Variants in ZFC3H1 observed in about 807,000 individuals in gnomAD.
ZFC3H1 encodes the protein zinc finger C3H1 domain-containing protein.
ZFC3H1 carries 71 observed loss-of-function variants against 243.7 expected under a neutral mutation model. The observed-to-expected ratio is 0.29, with a 90% CI of 0.24 to 0.36. The LOEUF is 0.36. ZFC3H1 is among the 10% of genes least tolerant of loss of function. The pLI, the probability that ZFC3H1 is intolerant of heterozygous loss-of-function variation, is 1.00. For synonymous variants in ZFC3H1, 838 were observed against 813.0 expected (o/e 1.03, Z -0.52); for missense variants, 1,966 against 2,317.1 (o/e 0.85, Z 3.11).
At position 71,614,568 on chromosome 12, in the gene ZFC3H1, A is replaced by G. The variant is rs1319811722; in HGVS notation, c.5493T>C (p.Ala1831=). Residue 1831 remains alanine (A), a synonymous_variant, in exon 30 of 35, where the codon GCT becomes GCC. Transcript: ENST00000378743. ...GAAATTCATAGTTGGACCAGTAATC[A>G]GCACTGCTAAAAGGAATGGGGTATC... The part of the protein sequence containing the change: ...PARYPIPFSS[A]DYWSNYEFHN... 2 of 1,608,858 alleles carry G rather than the reference A, an allele frequency of 1.2e-6. No homozygotes were observed. Among genetic ancestry groups the G allele is most frequent in the African/African-American group, 1.3e-5 (1 of 74,708 alleles).
At position 71,630,820 on chromosome 12, in the gene ZFC3H1, C is replaced by T. The variant is rs776119480; in HGVS notation, c.3602+3G>A. ...TTACAAAATGTTCACAAAAACTACTCACCATTGACAATCATCATCATTACA... is the reference window on the plus strand; with the variant it reads ...TTACAAAATGTTCACAAAAACTACTTACCATTGACAATCATCATCATTACA... On this transcript the variant is annotated splice_donor_region_variant and intron_variant, in intron 17 of 34. Transcript: ENST00000378743. 7.4e-6 allele frequency: 12 copies of T among 1,611,218 alleles called. No homozygotes were observed. Among genetic ancestry groups the T allele is most frequent in the Non-Finnish European group, 1.0e-5 (12 of 1,178,854 alleles).
intron 12 of ZFC3H1, among the ~76,000 whole-genome samples, chr12:71,633,938 G>T (rs552185463): frequency 1.1e-4 from 16 of 152,288 alleles, no homozygotes; most frequent in Non-Finnish European, 1.8e-4. Context: ...GATTATAGGC[G>T]TGAGCCACCG....
chr12:71,659,204 A>G (rs1386418353), intron 1 of ZFC3H1, among the ~76,000 whole-genome samples: 2 of 150,946 alleles, frequency 1.3e-5, no homozygotes, highest in Non-Finnish European at 1.5e-5. Flanking sequence ...TGGTGATAAG[A>G]TATTTCTCTT....
At chr12:71,646,680 G>C (rs972620899) in intron 3 of ZFC3H1, among the ~76,000 whole-genome samples, 4 of 152,068 alleles carry the variant, frequency 2.6e-5, no homozygotes, top group African/African-American at 9.7e-5. Flanking sequence ...TCAAACTCCT[G>C]AGCTAAAGTG....
Position 71,632,087 on chromosome 12 carries a change from A to T in ZFC3H1, c.3245T>A (p.Leu1082His). The change falls in exon 15 of 35, where the codon CTT becomes CAT. Residue 1082 changes from leucine to histidine, a missense_variant. Coordinates refer to ENST00000378743, the MANE Select transcript of ZFC3H1 (RefSeq NM_144982.5). ...TTCACCAATTTTTAACCCTAGAAAA[A>T]GTTCTGGTTTTTCTACAGTATTTTT... is the stretch of plus-strand genomic sequence containing the variant. ...LNKNTVEKPE[L>H]FLGLKIGELQ... The T allele has an allele frequency of 6.2e-7, 1 of 1,611,766 alleles. No individual in the cohort carries two copies. The highest frequency in any genetic ancestry group is 8.5e-7 in the Non-Finnish European group (1 of 1,179,352).
intron 23 of ZFC3H1, 24 bp from the exon 24 acceptor site, chr12:71,623,621 G>T (rs144008921): frequency 2.6e-6 from 4 of 1,540,024 alleles, no homozygotes; most frequent in South Asian, 1.2e-5. Context: ...AAAATTTTTT[G>T]ATAAAAAAAT....
intron 28 of ZFC3H1, 62 bp downstream of exon 28, chr12:71,615,144 T>A: frequency 7.4e-7 from 1 of 1,344,402 alleles, no homozygotes; most frequent in Non-Finnish European, 1.1e-6. Flanking sequence ...CACAGTGTAA[T>A]TCAGTAATAA....
At chr12:71,656,300 T>C in intron 2 of ZFC3H1, 1 of 364,354 alleles carries the variant, frequency 2.7e-6, no homozygotes, top group East Asian at 4.2e-5. Context: ...ATATAAATTA[T>C]ATCTTAATAA....
In ZFC3H1 at chr12:71,630,938, G is replaced by T. The variant is rs1466983278; in HGVS notation, c.3487C>A (p.Arg1163=). ...FKSYRFSPYY[R]TKEKLPLSSV... ...CTCAGGGGAAGTTTTTCCTTGGTTC[G>T]ATAATATGGACTAAATCTAAGGTGA... The change falls in exon 17 of 35, where the codon CGA becomes AGA. Residue 1163 remains arginine, a synonymous_variant. Coordinates refer to ENST00000378743, the MANE Select transcript of ZFC3H1 (RefSeq NM_144982.5). The T allele has an allele frequency of 3.1e-6, 5 of 1,611,158 alleles. No individual in the cohort carries two copies. The highest frequency in any genetic ancestry group is 4.2e-6 in the Non-Finnish European group (5 of 1,178,134).
In ZFC3H1 at chr12:71,624,060, A is replaced by G. The variant is rs549201595; in HGVS notation, c.4506+44T>C. On this transcript the variant is annotated intron_variant, in intron 23 of 34. Transcript: ENST00000378743. Reference sequence around the variant, plus strand: ...ATGGATAACGGTGTAGACCTTTTAAACTTTTTCTGCAAAATGCAATTAAAT... The same window carrying G: ...ATGGATAACGGTGTAGACCTTTTAAGCTTTTTCTGCAAAATGCAATTAAAT... 1,096 of 1,559,244 alleles carry G rather than the reference A, an allele frequency of 7.0e-4. 16 individuals carry two copies. In the South Asian group the frequency reaches 0.012, roughly 18 times the overall value.
intron 22 of ZFC3H1, 86 bp from the exon 23 acceptor site, chr12:71,624,378 T>A (rs997338784): frequency 7.4e-7 from 1 of 1,358,740 alleles, no homozygotes; most frequent in Non-Finnish European, 9.9e-7. Context: ...TAAGAAACCA[T>A]CTCATAGTAA....
intron 1 of ZFC3H1, among the ~76,000 whole-genome samples, chr12:71,658,701 G>A (rs1881087780): frequency 6.6e-6 from 1 of 152,080 alleles, no homozygotes; most frequent in Non-Finnish European, 1.5e-5. Flanking sequence ...CTCTCCTGAT[G>A]ACCAGTTCTA....
chr12:71,620,503 A>C (rs549922196), intron 24 of ZFC3H1, among the ~76,000 whole-genome samples, 188 bp from the exon 25 acceptor site: 6 of 152,296 alleles, frequency 3.9e-5, no homozygotes, highest in African/African-American at 1.2e-4. Context: ...AATCTCCAAA[A>C]TCCTAAAATT....
intron 22 of ZFC3H1, among the ~76,000 whole-genome samples, chr12:71,625,778 A>C (rs1378561234): frequency 1.3e-5 from 2 of 152,152 alleles, no homozygotes; most frequent in East Asian, 1.9e-4. Context: ...TAGCTTGGCA[A>C]TTTTAGATAT....
intron 2 of ZFC3H1, chr12:71,656,375 C>T (rs558643040): frequency 2.7e-5 from 13 of 475,502 alleles, no homozygotes; most frequent in Admixed American, 3.8e-5. Flanking sequence ...CTGTATTAAA[C>T]GCAAGCATAC....
rs552764610 is a variant in ZFC3H1, at chr12:71,635,385, A to T, written c.2238+58T>A. On this transcript the variant is annotated intron_variant, in intron 10 of 34. Coordinates refer to ENST00000378743, the MANE Select transcript of ZFC3H1 (RefSeq NM_144982.5). The stretch of plus-strand genomic sequence containing the variant: ...TATGGTTTAATTTTCAGGAAAAAAT[A>T]AACTTTACTGATCATCAAAAGGTCA... 9 of 1,525,546 alleles carry T rather than the reference A, an allele frequency of 5.9e-6. No homozygotes were observed. In the African/African-American group the frequency reaches 1.3e-4, roughly 22 times the overall value. The allele number at this position is 1,525,546 out of a possible 1,614,324, so 94.5% of individuals were successfully genotyped here. A position where few individuals can be genotyped will look rare whatever the true frequency, so the allele number is the denominator to read the frequency against.
rs1475793333 is a variant in ZFC3H1 at position 71,657,438 on chromosome 12, T to C, written c.599-137A>G. The stretch of plus-strand genomic sequence containing the variant: ...GAATCGATATTTTTAAATTACTAAA[T>C]TCCATTTAATGTATGTGCAGCTAAT... On this transcript the variant is annotated intron_variant, in intron 1 of 34. Coordinates refer to ENST00000378743, the MANE Select transcript of ZFC3H1 (RefSeq NM_144982.5). 8.2e-6 allele frequency: 6 copies of C among 728,452 alleles called. No homozygotes were observed. In the East Asian group the frequency reaches 1.7e-4, roughly 20 times the overall value. The allele number at this position is 728,452 out of a possible 1,614,324, so 45.1% of individuals were successfully genotyped here.
rs1879736464 is a variant in ZFC3H1 at position 71,610,318 on chromosome 12, C to T, written c.*110G>A. 3 of 1,298,144 alleles carry T rather than the reference C, an allele frequency of 2.3e-6. No individual in the cohort carries two copies. The highest frequency in any genetic ancestry group is 2.3e-5 in the East Asian group (1 of 42,740). 80.4% of individuals were successfully genotyped at this position (1,298,144 alleles called of 1,614,324 possible). ...GTAGGGAACTTGATATGATCAATAA[C>T]GCTTGTCTGCCTTACACAGACCTTA... is the stretch of plus-strand genomic sequence containing the variant. On this transcript the variant is annotated 3_prime_UTR_variant, in exon 35 of 35. Transcript: ENST00000378743.
In ZFC3H1 at chr12:71,636,546, T is replaced by C. The variant is rs1485966876; in HGVS notation, c.2044A>G (p.Arg682Gly). ...CTGTGAAACTTTGGATTCTGTATCC[T>C]AGGCTGAGACACTGTGTTAATACTG... ...IVSINTVSQP[R>G]IQNPKFHRGP... The change falls in exon 9 of 35, where the codon AGG becomes GGG. Residue 682 changes from arginine (R) to glycine (G), a missense_variant. Physicochemically the swap from Arg to Gly is moderately radical, Grantham distance 125. Coordinates refer to ENST00000378743, the MANE Select transcript of ZFC3H1 (RefSeq NM_144982.5). 6.2e-7 allele frequency: 1 copy of C among 1,613,194 alleles called. No homozygotes were observed. Among genetic ancestry groups the C allele is most frequent in the Non-Finnish European group, 8.5e-7 (1 of 1,179,498 alleles).
Sources: gnomAD v4.1 joint callset for allele counts (sites outside exome capture counted in the v4.1 genomes callset) on GRCh38, gnomAD v4.1.1 for gene constraint, MANE v1.5 for transcripts, NCBI Gene and HGNC (gene_info 2026-07-23, HGNC 2026-07-21) for gene names.